Variants in ATMIN observed in about 807,000 individuals in gnomAD.
ATMIN encodes the protein ATM interactor, also known as ATM INteracting protein.
A neutral mutation model predicts 49.2 loss-of-function variants in ATMIN; 24 were observed. The observed-to-expected ratio is 0.49, with a 90% confidence interval of 0.35 to 0.69. The LOEUF is 0.69. Among genes scored for constraint, ATMIN ranks in the 30% least tolerant of loss-of-function variants. The pLI is 0.00. For missense variants in ATMIN, 1,037 were observed against 1,005.5 expected (o/e 1.03, Z -0.42); for synonymous variants, 450 against 392.5 (o/e 1.15, Z -1.73).
intron 3 of ATMIN, 38 bp from the exon 4 acceptor site, chr16:81,043,123 A>T: frequency 6.4e-7 from 1 of 1,560,410 alleles, no homozygotes; most frequent in Non-Finnish European, 8.6e-7. Context: ...AGAAAGTTGT[A>T]TTTTAAGGTT....
In ATMIN at chr16:81,043,604, T is replaced by A; in HGVS notation, c.1106T>A (p.Phe369Tyr). The change falls in exon 4 of 4, where the codon TTC (phenylalanine) becomes TAC (tyrosine). Residue 369 changes from phenylalanine (F) to tyrosine (Y), a missense_variant. Coordinates refer to ENST00000299575, the MANE Select transcript of ATMIN (RefSeq NM_015251.3). ...ACSLKESLPL[F>Y]KIANPIAGEP... ...TCTCTTAAGGAGAGCCTACCTCTTT[T>A]CAAAATTGCTAATCCTATTGCTGGT... The A allele has an allele frequency of 6.2e-7, 1 of 1,614,216 alleles. No homozygotes were observed. Among genetic ancestry groups the A allele is most frequent in the Non-Finnish European group, 8.5e-7 (1 of 1,180,040 alleles).
At chr16:81,039,664 T>G (rs938678839) in intron 1 of ATMIN, among the ~76,000 whole-genome samples, 6 of 152,180 alleles carry the variant, frequency 3.9e-5, no homozygotes, top group Non-Finnish European at 8.8e-5. Context: ...AATGTACATT[T>G]TTTTATTCCT....
At chr16:81,042,971 T>C (rs914437734) in intron 3 of ATMIN, among the ~76,000 whole-genome samples, 190 bp from the exon 4 acceptor site, 3 of 152,324 alleles carry the variant, frequency 2.0e-5, no homozygotes, top group East Asian at 3.9e-4. Flanking sequence ...TCTGTTTGCA[T>C]GTTTCTCAAA....
Position 81,035,867 on chromosome 16 carries a change from AGCCATGGCG to A in ATMIN, c.1_9del (p.MetAlaAla1_?3). On this transcript the variant is annotated start_lost and 5_prime_UTR_variant, in exon 1 of 4. Transcript: ENST00000299575. ...GAACTGGGCCGGGCGGCCGTGCGGGAGCCATGGCGGCCTCGGAGGCGGCGGCGGCGGCGG... is the reference window on the plus strand; with the variant it reads ...GAACTGGGCCGGGCGGCCGTGCGGGAGCCTCGGAGGCGGCGGCGGCGGCGG... 1 of 875,382 alleles carries A rather than the reference AGCCATGGCG, an allele frequency of 1.1e-6. No homozygotes were observed. The highest frequency in any genetic ancestry group is 1.4e-6 in the Non-Finnish European group (1 of 731,638). 54.2% of individuals were successfully genotyped at this position (875,382 alleles called of 1,614,324 possible).
At position 81,042,321 on chromosome 16, in the gene ATMIN, G is replaced by T. The variant is rs778458741; in HGVS notation, c.503G>T (p.Ser168Ile). 8 of 1,613,876 alleles carry T rather than the reference G, an allele frequency of 5.0e-6. No homozygotes were observed. Among genetic ancestry groups the T allele is most frequent in the South Asian group, 4.4e-5 (4 of 91,084 alleles). Residue 168 changes from serine (S) to isoleucine (I), a missense_variant, in exon 3 of 4, where the codon AGT becomes ATT. By Grantham distance (142) the Ser-to-Ile change is moderately radical. Transcript: ENST00000299575. Reference sequence around the variant, plus strand: ...CATGCTGAGAAGAAGCACAAATGTAGTAAGTGCAGCAATTCGTACGGTACA... The same window carrying T: ...CATGCTGAGAAGAAGCACAAATGTATTAAGTGCAGCAATTCGTACGGTACA... The part of the protein sequence containing the change: ...KMHAEKKHKC[S>I]KCSNSYGTEW...
intron 2 of ATMIN, chr16:81,041,788 C>T (rs1285886392): frequency 3.7e-5 from 9 of 244,992 alleles, no homozygotes; most frequent in Non-Finnish European, 5.5e-5. Context: ...AAGGGCCCAG[C>T]GCAAAGGCAC....
In ATMIN at chr16:81,045,016, C is replaced by G; in HGVS notation, c.*46C>G. Reference sequence around the variant, plus strand: ...TGTGAAATGGCATCTACCATTTCCTCTGGATTAAAACTACGGACTGGGGAC... The same window carrying G: ...TGTGAAATGGCATCTACCATTTCCTGTGGATTAAAACTACGGACTGGGGAC... On this transcript the variant is annotated 3_prime_UTR_variant, in exon 4 of 4. Coordinates refer to ENST00000299575, the MANE Select transcript of ATMIN (RefSeq NM_015251.3). The G allele has an allele frequency of 6.3e-7, 1 of 1,575,914 alleles. No individual in the cohort carries two copies. The highest frequency in any genetic ancestry group is 8.6e-7 in the Non-Finnish European group (1 of 1,159,962).
At chr16:81,038,825 TCA>T (rs376838141) in intron 1 of ATMIN, among the ~76,000 whole-genome samples, 2,425 of 152,292 alleles carry the variant, frequency 0.016, 51 homozygotes, top group African/African-American at 0.054. Flanking sequence ...TGAGACAGTC[TCA>T]CTCTGTCGCC....
chr16:81,037,031 A>G (rs967274470), intron 1 of ATMIN, among the ~76,000 whole-genome samples: 3 of 152,216 alleles, frequency 2.0e-5, no homozygotes, highest in South Asian at 2.1e-4. Flanking sequence ...AATAGTCTCA[A>G]CAACCCTCCA....
At chr16:81,042,235 G>T in intron 2 of ATMIN, 46 bp from the exon 3 acceptor site, 1 of 1,549,428 alleles carries the variant, frequency 6.5e-7, no homozygotes, top group South Asian at 1.1e-5. Flanking sequence ...GAAATGTTTT[G>T]ACCAGTTGCT....
chr16:81,038,745 C>G (rs969180359), intron 1 of ATMIN, among the ~76,000 whole-genome samples: 1 of 152,194 alleles, frequency 6.6e-6, no homozygotes, highest in African/African-American at 2.4e-5. Context: ...TTTAGCCTCC[C>G]CAGTAGCTGA....
intron 2 of ATMIN, 48 bp from the exon 3 acceptor site, chr16:81,042,233 T>C: frequency 1.3e-6 from 2 of 1,544,536 alleles, no homozygotes; most frequent in Non-Finnish European, 1.8e-6. Context: ...CTGAAATGTT[T>C]TGACCAGTTG....
chr16:81,044,482 G>A lies in ATMIN; in HGVS notation c.1984G>A (p.Glu662Lys), dbSNP rs778100913. 9.9e-6 allele frequency: 16 copies of A among 1,613,908 alleles called. No homozygotes were observed. The highest frequency in any genetic ancestry group is 2.2e-5 in the East Asian group (1 of 44,880). Reference sequence around the variant, plus strand: ...GAGTGAACTTAGCACCATGACCACCGAGCCAGTCTTGGAGTCACTGGACAT... The same window carrying A: ...GAGTGAACTTAGCACCATGACCACCAAGCCAGTCTTGGAGTCACTGGACAT... ...EESELSTMTT[E>K]PVLESLDIET... The change falls in exon 4 of 4, where the codon GAG (glutamate) becomes AAG (lysine). Residue 662 changes from glutamate (E) to lysine (K), a missense_variant. Coordinates refer to ENST00000299575, the MANE Select transcript of ATMIN (RefSeq NM_015251.3).
Position 81,043,945 on chromosome 16 carries a change from T to G in ATMIN, c.1447T>G (p.Cys483Gly). ...AAQTDAFMDT[C>G]FQSGGVSRET... ...TCAGACTGATGCATTTATGGACACC[T>G]GTTTCCAGTCAGGTGGGGTCTCCAG... Residue 483 changes from cysteine (C) to glycine (G), a missense_variant, in exon 4 of 4, where the codon TGT becomes GGT. Cys to Gly is a radical substitution (Grantham distance 159). Coordinates refer to ENST00000299575, the MANE Select transcript of ATMIN (RefSeq NM_015251.3). 4 of 1,614,222 alleles carry G rather than the reference T, an allele frequency of 2.5e-6. No individual in the cohort carries two copies. The highest frequency in any genetic ancestry group is 3.4e-6 in the Non-Finnish European group (4 of 1,180,028).
chr16:81,038,007 T>C (rs978266691), intron 1 of ATMIN, among the ~76,000 whole-genome samples: 1 of 152,202 alleles, frequency 6.6e-6, no homozygotes. Context: ...TGTTCCTTTC[T>C]GTGGAGTTGT....
Position 81,043,056 on chromosome 16 carries a change from C to G in ATMIN, c.663-105C>G, listed in dbSNP as rs1597126290. The G allele has an allele frequency of 2.2e-6, 3 of 1,362,400 alleles. No homozygotes were observed. The African/African-American group carries it at 4.4e-5, about 20-fold the overall frequency. The allele number at this position is 1,362,400 out of a possible 1,614,324, so 84.4% of individuals were successfully genotyped here. Reference sequence around the variant, plus strand: ...TTATCTTGTCTGGGTTGAACATGACCTCTGCTATAGATGGGGGAAATGGCA... The same window carrying G: ...TTATCTTGTCTGGGTTGAACATGACGTCTGCTATAGATGGGGGAAATGGCA... On this transcript the variant is annotated intron_variant, in intron 3 of 3. Transcript: ENST00000299575.
Position 81,041,468 on chromosome 16 carries a change from C to G in ATMIN, c.449C>G (p.Ser150Cys), listed in dbSNP as rs557990387. The G allele has an allele frequency of 9.9e-6, 16 of 1,608,576 alleles. No individual in the cohort carries two copies. In the East Asian group the frequency reaches 3.1e-4, roughly 31 times the overall value. Residue 150 changes from serine (S) to cysteine (C), a missense_variant, in exon 2 of 4, where the codon TCT (serine) becomes TGT (cysteine). Coordinates refer to ENST00000299575, the MANE Select transcript of ATMIN (RefSeq NM_015251.3). Reference sequence around the variant, plus strand: ...CCTGAGAGACCGTTTTCTCAGTTTTCTCTCGTAAAACAGGTACTCTCTACT... The same window carrying G: ...CCTGAGAGACCGTTTTCTCAGTTTTGTCTCGTAAAACAGGTACTCTCTACT... ...RGPERPFSQF[S>C]LVKQHFMKMH...
chr16:81,041,297 C>T (rs1345360652), intron 1 of ATMIN, 59 bp from the exon 2 acceptor site: 2 of 1,544,812 alleles, frequency 1.3e-6, no homozygotes, highest in Non-Finnish European at 1.7e-6. Flanking sequence ...TCCGTTTCCA[C>T]TCCAGCCTGT....
At position 81,043,267 on chromosome 16, in the gene ATMIN, A is replaced by T. The variant is rs1313256862; in HGVS notation, c.769A>T (p.Thr257Ser). Residue 257 changes from threonine (T) to serine (S), a missense_variant, in exon 4 of 4, where the codon ACT becomes TCT. Physicochemically the swap from Thr to Ser is moderately conservative, Grantham distance 58. Transcript: ENST00000299575. ...LNNQPIPRPD[T>S]QELEASEIKL... ...CAACCAACCAATCCCTAGACCAGACACTCAAGAACTAGAAGCTTCAGAAAT... is the reference window on the plus strand; with the variant it reads ...CAACCAACCAATCCCTAGACCAGACTCTCAAGAACTAGAAGCTTCAGAAAT... The T allele has an allele frequency of 6.2e-7, 1 of 1,614,030 alleles. No homozygotes were observed. The highest frequency in any genetic ancestry group is 8.5e-7 in the Non-Finnish European group (1 of 1,180,040).
Sources: allele counts gnomAD v4.1 joint callset (sites outside exome capture counted in the v4.1 genomes callset), GRCh38; gene constraint gnomAD v4.1.1; transcripts MANE v1.5; gene names NCBI Gene and HGNC (gene_info 2026-07-23, HGNC 2026-07-21).